The following ZFHX3 variants were observed in gnomAD, a reference collection of about 807,000 sequenced individuals.
ZFHX3 encodes the protein zinc finger homeobox protein 3.
Under a neutral mutation model 279.1 loss-of-function variants are expected in ZFHX3, and 42 were observed. That is an observed-to-expected ratio of 0.15 (90% CI 0.12 to 0.19). The LOEUF (loss-of-function observed/expected upper bound fraction) is 0.19. Among genes scored for constraint, ZFHX3 ranks in the 10% least tolerant of loss-of-function variants. The probability of loss-of-function intolerance (pLI) is 1.00; values close to 1 mark genes in which losing one functional copy is unlikely to be tolerated. For synonymous variants in ZFHX3, 2,293 were observed against 1,957.8 expected (o/e 1.17, Z -4.52); for missense variants, 4,981 against 4,754.0 (o/e 1.05, Z -1.40).
chr16:73,285,647 G>C (rs56067614), intron 4 of ZFHX3, among the ~76,000 whole-genome samples: 33,774 of 152,108 alleles, frequency 0.22, 3,762 homozygotes, highest in Middle Eastern at 0.26. Flanking sequence ...GCCTCGGCTG[G>C]TCATGTCCGT....
intron 7 of ZFHX3, among the ~76,000 whole-genome samples, chr16:72,806,299 TGAG>T (rs2036263527): frequency 6.6e-6 from 1 of 152,058 alleles, no homozygotes; most frequent in Non-Finnish European, 1.5e-5. Context: ...TTTTTGAAAC[TGAG>T]GATGAGAAAG....
At chr16:73,182,325 C>T (rs375735539) in intron 5 of ZFHX3, among the ~76,000 whole-genome samples, 4 of 152,088 alleles carry the variant, frequency 2.6e-5, no homozygotes, top group African/African-American at 4.8e-5. Context: ...AGTGTGGTGG[C>T]GCATGCCTGT....
At chr16:73,104,261 C>T (rs149174356) in intron 7 of ZFHX3, among the ~76,000 whole-genome samples, 1,412 of 130,366 alleles carry the variant, frequency 0.011, 28 homozygotes, top group African/African-American at 0.039. Flanking sequence ...GACAGAGTCT[C>T]GCTCTGTCAC....
chr16:73,272,089 G>C (rs762396674), intron 4 of ZFHX3, among the ~76,000 whole-genome samples: 11 of 152,142 alleles, frequency 7.2e-5, no homozygotes, highest in Non-Finnish European at 1.2e-4. Context: ...CCATGTCGAA[G>C]TTTTCATCCG....
chr16:73,869,050 G>A (rs535013915), intron 1 of ZFHX3, among the ~76,000 whole-genome samples: 2 of 152,194 alleles, frequency 1.3e-5, no homozygotes, highest in Admixed American at 6.5e-5. Context: ...GTGCTCTGGC[G>A]GGATTTGTCC....
chr16:73,178,158 T>C (rs975140274), intron 5 of ZFHX3, among the ~76,000 whole-genome samples: 25 of 147,634 alleles, frequency 1.7e-4, no homozygotes, highest in African/African-American at 6.3e-4. Context: ...TGACTTTTTC[T>C]TTTTTTTTTG....
intron 2 of ZFHX3, among the ~76,000 whole-genome samples, chr16:73,627,219 G>A (rs181436142): frequency 2.6e-5 from 4 of 152,272 alleles, no homozygotes; most frequent in East Asian, 3.9e-4. Flanking sequence ...CTGACTCCAC[G>A]TGCTCCAAAC....
chr16:73,082,288 G>C (rs2144767015), intron 8 of ZFHX3, among the ~76,000 whole-genome samples: 1 of 151,926 alleles, frequency 6.6e-6, no homozygotes, highest in African/African-American at 2.4e-5. Flanking sequence ...TCTTTTTTGA[G>C]AGGGAGTCTC....
At chr16:73,239,602 CGCCTATCTTCCA>C (rs766123665) in intron 5 of ZFHX3, among the ~76,000 whole-genome samples, 18 of 152,288 alleles carry the variant, frequency 1.2e-4, no homozygotes, top group Non-Finnish European at 2.5e-4. Context: ...ACTGATTCTT[CGCCTATCTTCCA>C]GCAGCGGTAG....
intron 5 of ZFHX3, among the ~76,000 whole-genome samples, chr16:73,154,346 T>C (rs1967020593): frequency 6.6e-6 from 1 of 152,194 alleles, no homozygotes; most frequent in Non-Finnish European, 1.5e-5. Flanking sequence ...ATGTCTCCCA[T>C]CTGTTTCCTG....
At chr16:72,887,975 G>A (rs2038673207) in intron 4 of ZFHX3, among the ~76,000 whole-genome samples, 1 of 152,060 alleles carries the variant, frequency 6.6e-6, no homozygotes. Context: ...GTACACGGGT[G>A]GGTTTGTGGA....
In ZFHX3 at chr16:73,473,357, AC is replaced by A. The variant is rs1253084799; in HGVS notation, c.-1546-17100del. 4.5e-3 allele frequency among the ~76,000 whole-genome samples: 219 copies of A among 48,406 alleles called. 4 individuals carry two copies. Among genetic ancestry groups the A allele is most frequent in the African/African-American group, 0.015 (203 of 13,452 alleles). The allele number at this position is 48,406 out of a possible 152,430, so 31.8% of individuals were successfully genotyped here. On this transcript the variant is annotated intron_variant, in intron 2 of 17. Coordinates refer to the ZFHX3 transcript ENST00000641206. ...CTCAAAGCAAAAAAAAAAAAAAAAA[AC>A]AAAAAAAAAAAAAACAAAATAATAA...
chr16:73,832,367 T>C (rs915442996), intron 1 of ZFHX3, among the ~76,000 whole-genome samples: 2 of 152,202 alleles, frequency 1.3e-5, no homozygotes, highest in African/African-American at 4.8e-5. Flanking sequence ...CTATGTTTAC[T>C]GTATAAGGAA....
At chr16:73,850,341 CAG>C (rs1961563573) in intron 1 of ZFHX3, among the ~76,000 whole-genome samples, 1 of 152,144 alleles carries the variant, frequency 6.6e-6, no homozygotes, top group Non-Finnish European at 1.5e-5. Flanking sequence ...GCGCTGGGAA[CAG>C]AGAAAATACT....
In ZFHX3 at chr16:73,588,432, G is replaced by A. The variant is rs368596421; in HGVS notation, c.-1547+91748C>T. Reference sequence around the variant, plus strand: ...CCGGTCGCGGTGGCTCACGCCTGTAGTCCCAGCACTTTGGGAGGCCGAGAC... The same window carrying A: ...CCGGTCGCGGTGGCTCACGCCTGTAATCCCAGCACTTTGGGAGGCCGAGAC... On this transcript the variant is annotated intron_variant, in intron 2 of 17. Coordinates refer to the ZFHX3 transcript ENST00000641206. Among the ~76,000 whole-genome samples, 10 of 151,662 alleles carry A rather than the reference G, an allele frequency of 6.6e-5. No homozygotes were observed. The South Asian group carries it at 1.3e-3, about 19-fold the overall frequency.
chr16:73,006,658 GGAAAGGAAAGGGA>G (rs564301546), intron 1 of ZFHX3, among the ~76,000 whole-genome samples: 50 of 148,474 alleles, frequency 3.4e-4, no homozygotes, highest in Non-Finnish European at 5.9e-4. Flanking sequence ...CGAAAGAAAA[GGAAAGGAAAGGGA>G]GGAAGGAAAG....
intron 6 of ZFHX3, chr16:73,137,289 C>G (rs1966811634): frequency 1.3e-5 from 2 of 152,098 alleles, no homozygotes; most frequent in African/African-American, 4.8e-5. Context: ...CTATACTGAC[C>G]TCTCATTGAC....
intron 1 of ZFHX3, among the ~76,000 whole-genome samples, chr16:72,994,934 G>T (rs752115571): frequency 1.3e-5 from 2 of 152,188 alleles, no homozygotes; most frequent in Non-Finnish European, 2.9e-5. Context: ...CTGTTTGAAA[G>T]CATTCCCATC....
chr16:73,278,764 G>A (rs1156322571), intron 4 of ZFHX3, among the ~76,000 whole-genome samples: 6 of 152,244 alleles, frequency 3.9e-5, no homozygotes, highest in East Asian at 3.9e-4. Context: ...TGATAGGTGC[G>A]TTTTACAGAG....
Sources: allele counts gnomAD v4.1 joint callset (sites outside exome capture counted in the v4.1 genomes callset), GRCh38; gene constraint gnomAD v4.1.1; transcripts MANE v1.5; gene names NCBI Gene and HGNC (gene_info 2026-07-23, HGNC 2026-07-21).